The following APBB1IP variants were observed in gnomAD, a reference collection of about 807,000 sequenced individuals.
The protein encoded by APBB1IP is amyloid beta precursor protein binding family B member 1 interacting protein, also known as amyloid beta A4 precursor protein-binding family B member 1-interacting protein.
In APBB1IP, 27 loss-of-function variants were observed where a neutral mutation model predicts 64.9. The observed-to-expected ratio is 0.42, with a 90% confidence interval of 0.31 to 0.57. The LOEUF is 0.57. Ranked by LOEUF, APBB1IP falls within the 20% of genes least tolerant of loss-of-function variation. The probability of loss-of-function intolerance (pLI) is 0.20; values close to 1 mark genes in which losing one functional copy is unlikely to be tolerated. For missense variants in APBB1IP, 812 were observed against 845.5 expected, an observed-to-expected ratio of 0.96 and a Z score of 0.49; for synonymous variants, 392 against 331.0, an observed-to-expected ratio of 1.18 and a Z score of -2.00.
intron 8 of APBB1IP, among the ~76,000 whole-genome samples, chr10:26,516,493 G>A (rs1217096752): frequency 7.8e-6 from 1 of 128,486 alleles, no homozygotes; most frequent in Non-Finnish European, 1.5e-5. Flanking sequence ...GCAGTAAGCC[G>A]AGATAGCACC....
chr10:26,538,424 C>T (rs960811857), intron 10 of APBB1IP, among the ~76,000 whole-genome samples: 3 of 152,024 alleles, frequency 2.0e-5, no homozygotes, highest in South Asian at 2.1e-4. Context: ...GGGCGAATCA[C>T]GAGGTCAGGA....
chr10:26,477,553 T>C (rs1835789685), intron 2 of APBB1IP, among the ~76,000 whole-genome samples: 1 of 152,224 alleles, frequency 6.6e-6, no homozygotes, highest in African/African-American at 2.4e-5. Context: ...TGTAGAATTA[T>C]GTCTTTTGAA....
At chr10:26,446,087 T>C (rs929370546) in intron 2 of APBB1IP, among the ~76,000 whole-genome samples, 6 of 151,974 alleles carry the variant, frequency 3.9e-5, no homozygotes, top group Non-Finnish European at 4.4e-5. Flanking sequence ...ATTAGTTATG[T>C]GGGGCAGAAG....
chr10:26,497,255 T>G (rs960327056), intron 4 of APBB1IP, among the ~76,000 whole-genome samples: 2 of 152,058 alleles, frequency 1.3e-5, no homozygotes, highest in African/African-American at 4.8e-5. Context: ...CTATTCATAT[T>G]ATAATAAGTC....
chr10:26,566,274 A>G (rs1837042366), intron 14 of APBB1IP, among the ~76,000 whole-genome samples: 1 of 152,146 alleles, frequency 6.6e-6, no homozygotes, highest in Non-Finnish European at 1.5e-5. Flanking sequence ...ATAGAGAGAG[A>G]GACATAGTCT....
chr10:26,457,370 C>T (rs536996409), intron 2 of APBB1IP, among the ~76,000 whole-genome samples: 2 of 152,320 alleles, frequency 1.3e-5, no homozygotes, highest in East Asian at 3.9e-4. Flanking sequence ...GAACTCTTGG[C>T]CTCAAGCAAT....
At chr10:26,516,782 G>A (rs553580623) in intron 8 of APBB1IP, among the ~76,000 whole-genome samples, 2 of 152,244 alleles carry the variant, frequency 1.3e-5, no homozygotes, top group African/African-American at 4.8e-5. Context: ...GGAAGGCAAC[G>A]TCTTGCATGA....
intron 2 of APBB1IP, among the ~76,000 whole-genome samples, chr10:26,469,258 C>CTTT (rs386361721): frequency 0.017 from 1,922 of 112,778 alleles, 108 homozygotes; most frequent in African/African-American, 0.063. Context: ...CTTTTCTTTT[C>CTTT]TTTTTTTTTT....
At chr10:26,562,911 C>T (rs1836992306) in intron 14 of APBB1IP, among the ~76,000 whole-genome samples, 1 of 152,140 alleles carries the variant, frequency 6.6e-6, no homozygotes, top group South Asian at 2.1e-4. Context: ...GTTACATATG[C>T]TAGAATCAAA....
At chr10:26,498,651 T>G (rs1402901770) in intron 4 of APBB1IP, among the ~76,000 whole-genome samples, 2 of 152,174 alleles carry the variant, frequency 1.3e-5, no homozygotes, top group Admixed American at 1.3e-4. Context: ...AAGTTAAAAT[T>G]TAATCAATAT....
intron 2 of APBB1IP, among the ~76,000 whole-genome samples, chr10:26,442,517 C>T (rs1159973119): frequency 1.3e-5 from 2 of 152,186 alleles, no homozygotes; most frequent in East Asian, 3.8e-4. Context: ...CTAAATCACA[C>T]AGCAACTGTG....
At chr10:26,484,314 G>GTTTT (rs1239103866) in intron 2 of APBB1IP, among the ~76,000 whole-genome samples, 1 of 151,968 alleles carries the variant, frequency 6.6e-6, no homozygotes, top group African/African-American at 2.4e-5. Context: ...GTTTTGTTTT[G>GTTTT]TTTTGTTTTG....
chr10:26,521,138 G>A (rs188502216), intron 8 of APBB1IP, among the ~76,000 whole-genome samples: 9 of 152,260 alleles, frequency 5.9e-5, no homozygotes, highest in Admixed American at 5.9e-4. Context: ...TAACTTATCA[G>A]CTTTTTGGAA....
chr10:26,441,272 G>A (rs1436098812), intron 2 of APBB1IP, among the ~76,000 whole-genome samples: 1 of 152,148 alleles, frequency 6.6e-6, no homozygotes, highest in African/African-American at 2.4e-5. Context: ...GTTGCATGGG[G>A]ATTTTAAAAT....
At chr10:26,511,296 A>G (rs1212140747) in intron 6 of APBB1IP, among the ~76,000 whole-genome samples, 3 of 152,194 alleles carry the variant, frequency 2.0e-5, no homozygotes, top group African/African-American at 4.8e-5. Flanking sequence ...GTGAGCTGAG[A>G]TCACGCCACT....
chr10:26,466,843 G>C (rs192634943), intron 2 of APBB1IP, among the ~76,000 whole-genome samples: 33 of 152,050 alleles, frequency 2.2e-4, no homozygotes, highest in African/African-American at 7.9e-4. Context: ...TACTGAAGTG[G>C]GAAGATTGCT....
intron 8 of APBB1IP, among the ~76,000 whole-genome samples, chr10:26,528,110 G>T (rs79046048): frequency 0.017 from 2,562 of 152,236 alleles, 54 homozygotes; most frequent in African/African-American, 0.058. Flanking sequence ...TCTCTGCTTA[G>T]AATCCATGCA....
chr10:26,502,608 C>T (rs996133099), intron 5 of APBB1IP, among the ~76,000 whole-genome samples: 3 of 151,154 alleles, frequency 2.0e-5, no homozygotes, highest in African/African-American at 7.3e-5. Context: ...CACTACTGCA[C>T]TCCAGCCTGG....
intron 12 of APBB1IP, among the ~76,000 whole-genome samples, chr10:26,560,481 C>T (rs146782469): frequency 2.0e-5 from 3 of 152,046 alleles, no homozygotes; most frequent in Non-Finnish European, 4.4e-5. Flanking sequence ...TAAAGACACA[C>T]GTAATCAGAA....
Sources: gnomAD v4.1 joint callset for allele counts (sites outside exome capture counted in the v4.1 genomes callset) on GRCh38, gnomAD v4.1.1 for gene constraint, MANE v1.5 for transcripts, NCBI Gene and HGNC (gene_info 2026-07-23, HGNC 2026-07-21) for gene names.